Variants in COL1A2 observed in about 807,000 individuals in gnomAD.
COL1A2 encodes collagen alpha-2(I) chain.
A neutral mutation model predicts 174.3 loss-of-function variants in COL1A2; 49 were observed. The ratio of observed to expected loss-of-function variants is 0.28; its 90% CI spans 0.22 to 0.36. COL1A2 has a LOEUF of 0.36. Ranked by LOEUF, COL1A2 falls within the 10% of genes least tolerant of loss-of-function variation. The probability of loss-of-function intolerance (pLI) is 1.00; values close to 1 mark genes in which losing one functional copy is unlikely to be tolerated. For missense variants in COL1A2, 1,438 were observed against 1,822.7 expected (o/e 0.79, Z 3.84); for synonymous variants, 655 against 606.6 (o/e 1.08, Z -1.17).
Position 94,427,731 on chromosome 7 carries a change from A to G in COL1A2, c.3372A>G (p.Ser1124=), listed in dbSNP as rs1367221787. Residue 1124 remains serine, a synonymous_variant, in exon 49 of 52, where the codon TCA becomes TCG. Transcript: ENST00000297268. The part of the protein sequence containing the change: ...GDFYRADQPR[S]APSLRPKDYE... Reference sequence around the variant, plus strand: ...TCTACAGGGCTGACCAGCCTCGCTCAGCACCTTCTCTCAGACCCAAGGACT... The same window carrying G: ...TCTACAGGGCTGACCAGCCTCGCTCGGCACCTTCTCTCAGACCCAAGGACT... The G allele has an allele frequency of 1.9e-6, 3 of 1,614,024 alleles. No individual in the cohort carries two copies. Among genetic ancestry groups the G allele is most frequent in the Non-Finnish European group, 2.5e-6 (3 of 1,180,030 alleles).
chr7:94,395,355 C>G, intron 1 of COL1A2: 1 of 543,738 alleles, frequency 1.8e-6, no homozygotes, highest in Non-Finnish European at 3.4e-6. Flanking sequence ...GGTCTGGCTC[C>G]TCAGCTTAGT....
At position 94,400,280 on chromosome 7, in the gene COL1A2, C is replaced by T. The variant is rs1791665589; in HGVS notation, c.217C>T (p.Leu73Phe). 1 of 1,613,628 alleles carries T rather than the reference C, an allele frequency of 6.2e-7. No homozygotes were observed. The highest frequency in any genetic ancestry group is 8.5e-7 in the Non-Finnish European group (1 of 1,179,820). Residue 73 changes from leucine to phenylalanine, a missense_variant, in exon 5 of 52, where the codon CTC becomes TTC. This residue lies in a region of COL1A2 where 281 missense variants were observed against 310.9 expected (regional missense o/e 0.90). Coordinates refer to ENST00000297268, the MANE Select transcript of COL1A2 (RefSeq NM_000089.4). ...ACCTGGTCCTCCTGGCCCCCCTGGT[C>T]TCGGTGGGGTAAGGTGTCTTACGTA... ...GPPGPPGPPG[L>F]GGNFAAQYDG...
At position 94,409,729 on chromosome 7, in the gene COL1A2, C is replaced by T. The variant is rs1791878591; in HGVS notation, c.943C>T (p.Pro315Ser). The change falls in exon 19 of 52, where the codon CCC becomes TCC. Residue 315 changes from proline (P) to serine (S), a missense_variant. Transcript: ENST00000297268. Reference protein sequence around the residue: ...LTGAKGAAGLPGVAGAPGLPG... With the variant: ...LTGAKGAAGLSGVAGAPGLPG... The stretch of plus-strand genomic sequence containing the variant: ...ACTGCATTTTCCTTCACAGGGCCTT[C>T]CCGGCGTTGCTGGGGCTCCCGGCCT... The T allele has an allele frequency of 6.2e-7, 1 of 1,614,168 alleles. No individual in the cohort carries two copies. Among genetic ancestry groups the T allele is most frequent in the Non-Finnish European group, 8.5e-7 (1 of 1,180,012 alleles).
intron 16 of COL1A2, 145 bp downstream of exon 16, chr7:94,408,968 C>G: frequency 6.2e-6 from 5 of 812,850 alleles, no homozygotes; most frequent in Non-Finnish European, 1.0e-5. Flanking sequence ...ATAGAATGAC[C>G]AGTTTTCTCA....
At position 94,425,217 on chromosome 7, in the gene COL1A2, G is replaced by A; in HGVS notation, c.2774G>A (p.Gly925Asp). The A allele has an allele frequency of 6.2e-7, 1 of 1,613,932 alleles. No individual in the cohort carries two copies. The highest frequency in any genetic ancestry group is 8.5e-7 in the Non-Finnish European group (1 of 1,179,822). ...PGVNGAPGEA[G>D]RDGNPGNDGP... Reference sequence around the variant, plus strand: ...GTCAACGGTGCTCCTGGTGAAGCTGGTCGTGATGTGAGTCCAACACTTGGT... The same window carrying A: ...GTCAACGGTGCTCCTGGTGAAGCTGATCGTGATGTGAGTCCAACACTTGGT... The change falls in exon 42 of 52, where the codon GGT becomes GAT. Residue 925 changes from glycine (G) to aspartate (D), a missense_variant. Transcript: ENST00000297268.
At chr7:94,419,237 A>G (rs1792102333) in intron 33 of COL1A2, among the ~76,000 whole-genome samples, 2 of 151,698 alleles carry the variant, frequency 1.3e-5, no homozygotes, top group African/African-American at 4.9e-5. Context: ...AATAGCGGAA[A>G]GTTCAGATCT....
chr7:94,425,233 A>G lies in COL1A2; in HGVS notation c.2781+9A>G. 2 of 1,610,540 alleles carry G rather than the reference A, an allele frequency of 1.2e-6. No individual in the cohort carries two copies. The highest frequency in any genetic ancestry group is 1.7e-6 in the Non-Finnish European group (2 of 1,176,754). On this transcript the variant is annotated intron_variant, in intron 42 of 51. Transcript: ENST00000297268. ...GTGAAGCTGGTCGTGATGTGAGTCC[A>G]ACACTTGGTTTGTAAAATAAAACTG...
chr7:94,401,029 A>G (rs1209232881), intron 5 of COL1A2, among the ~76,000 whole-genome samples: 1 of 152,242 alleles, frequency 6.6e-6, no homozygotes, highest in Non-Finnish European at 1.5e-5. Context: ...TATTACTGTG[A>G]ACTAGTTTTT....
intron 46 of COL1A2, 66 bp from the exon 47 acceptor site, chr7:94,426,939 GAAA>G (rs58882596): frequency 0.032 from 39,443 of 1,243,178 alleles, 133 homozygotes; most frequent in East Asian, 0.046. Flanking sequence ...ATTCAATTTG[GAAA>G]AAAAAAAAAA....
intron 1 of COL1A2, among the ~76,000 whole-genome samples, chr7:94,396,865 G>C (rs1730841915): frequency 6.6e-6 from 1 of 151,976 alleles, no homozygotes; most frequent in African/African-American, 2.4e-5. Flanking sequence ...GCAATTTTTG[G>C]GGTGATTCAT....
At chr7:94,413,162 T>A in intron 26 of COL1A2, 26 bp downstream of exon 26, 1 of 1,607,434 alleles carries the variant, frequency 6.2e-7, no homozygotes, top group Non-Finnish European at 8.5e-7. Flanking sequence ...TGTACAGATC[T>A]ATTCACATAG....
chr7:94,426,831 G>T, intron 46 of COL1A2, 177 bp from the exon 47 acceptor site: 1 of 651,250 alleles, frequency 1.5e-6, no homozygotes, highest in Non-Finnish European at 2.6e-6. Context: ...AATAGGTTGT[G>T]AAAAAAAAAT....
intron 23 of COL1A2, among the ~76,000 whole-genome samples, chr7:94,411,593 C>T (rs1254115475): frequency 6.6e-6 from 1 of 152,140 alleles, no homozygotes; most frequent in African/African-American, 2.4e-5. Flanking sequence ...GGAGAAATAA[C>T]CTCTAGGTCC....
chr7:94,427,547 C>T, intron 48 of COL1A2, 80 bp from the exon 49 acceptor site: 4 of 1,513,514 alleles, frequency 2.6e-6, no homozygotes, highest in Non-Finnish European at 3.7e-6. Flanking sequence ...GTGTGAAGCT[C>T]AACTGAAAAT....
At chr7:94,403,187 A>G (rs1387743278) in intron 6 of COL1A2, among the ~76,000 whole-genome samples, 1 of 152,152 alleles carries the variant, frequency 6.6e-6, no homozygotes, top group East Asian at 1.9e-4. Flanking sequence ...GATTTCAGAT[A>G]CCCCTGTTTT....
At chr7:94,427,367 A>G (rs1220500345) in intron 48 of COL1A2, 72 bp downstream of exon 48, 1 of 1,363,260 alleles carries the variant, frequency 7.3e-7, no homozygotes, top group Non-Finnish European at 1.0e-6. Context: ...CTAAACCAAG[A>G]CAACTTTGAC....
At position 94,430,287 on chromosome 7, in the gene COL1A2, A is replaced by T. The variant is rs1484368913; in HGVS notation, c.3995A>T (p.Lys1332Ile). Residue 1332 changes from lysine (K) to isoleucine (I), a missense_variant, in exon 52 of 52, where the codon AAA (lysine) becomes ATA (isoleucine). Transcript: ENST00000297268. ...NEWGKTIIEY[K>I]TNKPSRLPFL... ...TGGGGAAAGACAATCATTGAATACA[A>T]AACAAATAAGCCATCACGCCTGCCC... 1.9e-6 allele frequency: 3 copies of T among 1,613,968 alleles called. No homozygotes were observed. The African/African-American group carries it at 4.0e-5, about 22-fold the overall frequency.
In COL1A2 at chr7:94,425,285, A is replaced by C. The variant is rs546741961; in HGVS notation, c.2781+61A>C. 29 of 1,482,296 alleles carry C rather than the reference A, an allele frequency of 2.0e-5. No homozygotes were observed. In the East Asian group the frequency reaches 6.6e-4, roughly 34 times the overall value. 91.8% of individuals were successfully genotyped at this position (1,482,296 alleles called of 1,614,324 possible). On this transcript the variant is annotated intron_variant, in intron 42 of 51. Transcript: ENST00000297268. The stretch of plus-strand genomic sequence containing the variant: ...GCAGGATTTCATTGTGTGAAACTTT[A>C]TGTCCTGAGCTGAGGTTCTCTTCTT...
intron 31 of COL1A2, 194 bp from the exon 32 acceptor site, chr7:94,417,530 C>T (rs1210206087): frequency 3.3e-6 from 2 of 604,506 alleles, no homozygotes; most frequent in Admixed American, 2.2e-5. Context: ...ACCCTCATCT[C>T]TTCAGTCACC....
Sources: allele counts gnomAD v4.1 joint callset (sites outside exome capture counted in the v4.1 genomes callset), GRCh38; gene constraint gnomAD v4.1.1; regional missense constraint gnomAD v4.1.1; transcripts MANE v1.5; gene names NCBI Gene and HGNC (gene_info 2026-07-23, HGNC 2026-07-21).